The following UNC5D variants were observed in gnomAD, a reference collection of about 807,000 sequenced individuals.
The protein encoded by UNC5D is netrin receptor UNC5D.
A neutral mutation model predicts 105.4 loss-of-function variants in UNC5D; 39 were observed. That is an observed-to-expected ratio of 0.37 (90% CI 0.29 to 0.48). The LOEUF is 0.48. Ranked by LOEUF, UNC5D falls within the 20% of genes least tolerant of loss-of-function variation. The probability of loss-of-function intolerance (pLI) is 0.98; values close to 1 mark genes in which losing one functional copy is unlikely to be tolerated. For missense variants in UNC5D, 991 were observed against 1,202.4 expected (o/e 0.82, Z 2.60); for synonymous variants, 452 against 450.4 (o/e 1.00, Z -0.04).
intron 1 of UNC5D, among the ~76,000 whole-genome samples, chr8:35,342,361 C>T (rs1811514413): frequency 6.6e-6 from 1 of 152,056 alleles, no homozygotes; most frequent in South Asian, 2.1e-4. Context: ...TATAGAATTG[C>T]TTGTCATGTT....
chr8:35,449,569 AT>A (rs1808013918), intron 1 of UNC5D, among the ~76,000 whole-genome samples: 1 of 152,124 alleles, frequency 6.6e-6, no homozygotes, highest in African/African-American at 2.4e-5. Flanking sequence ...AGCACAACAG[AT>A]TTGGTTCTTG....
chr8:35,435,072 T>C (rs145263827), intron 1 of UNC5D, among the ~76,000 whole-genome samples: 76 of 152,238 alleles, frequency 5.0e-4, no homozygotes, highest in African/African-American at 1.8e-3. Flanking sequence ...CTGTGGAGTA[T>C]GGTTTTTTCT....
chr8:35,688,086 A>G (rs1199527234), intron 7 of UNC5D, among the ~76,000 whole-genome samples: 1 of 151,656 alleles, frequency 6.6e-6, no homozygotes, highest in Non-Finnish European at 1.5e-5. Flanking sequence ...GAGCCGAGAT[A>G]GCACCACTGC....
intron 1 of UNC5D, among the ~76,000 whole-genome samples, chr8:35,507,949 C>T (rs1265681984): frequency 6.6e-6 from 1 of 151,958 alleles, no homozygotes; most frequent in African/African-American, 2.4e-5. Context: ...AAAAAGCATA[C>T]CAAGAAACCT....
At chr8:35,733,323 C>T (rs1829294202) in intron 11 of UNC5D, among the ~76,000 whole-genome samples, 1 of 152,184 alleles carries the variant, frequency 6.6e-6, no homozygotes, top group Non-Finnish European at 1.5e-5. Context: ...TGCAAGGAGG[C>T]TCCTTGGGTC....
At chr8:35,708,290 T>C (rs545678672) in intron 8 of UNC5D, among the ~76,000 whole-genome samples, 2 of 152,304 alleles carry the variant, frequency 1.3e-5, no homozygotes, top group South Asian at 4.1e-4. Context: ...CAAATCATAA[T>C]GACAAACTGG....
At chr8:35,588,437 G>T (rs1283227528) in intron 3 of UNC5D, among the ~76,000 whole-genome samples, 1 of 152,134 alleles carries the variant, frequency 6.6e-6, no homozygotes, top group African/African-American at 2.4e-5. Flanking sequence ...AGGCCTGTGA[G>T]ATTCTCTGCC....
intron 1 of UNC5D, among the ~76,000 whole-genome samples, chr8:35,298,537 C>T (rs1807671531): frequency 6.8e-6 from 1 of 147,882 alleles, no homozygotes. Flanking sequence ...GACTCTTTGT[C>T]AGAATAGAGA....
intron 1 of UNC5D, among the ~76,000 whole-genome samples, chr8:35,365,362 G>A (rs565035373): frequency 5.3e-5 from 8 of 151,820 alleles, no homozygotes; most frequent in Non-Finnish European, 7.4e-5. Context: ...ACAATGGAGG[G>A]CTATGTAGCT....
At chr8:35,533,783 A>T (rs1376963389) in intron 1 of UNC5D, among the ~76,000 whole-genome samples, 5 of 152,144 alleles carry the variant, frequency 3.3e-5, no homozygotes, top group Admixed American at 1.3e-4. Context: ...GAAAAGCACA[A>T]TATTCGGGTG....
chr8:35,594,651 C>A (rs1819377395), intron 3 of UNC5D, among the ~76,000 whole-genome samples: 3 of 152,050 alleles, frequency 2.0e-5, no homozygotes, highest in African/African-American at 7.2e-5. Flanking sequence ...AAGTAAAGGC[C>A]AACTCCCCAC....
intron 1 of UNC5D, among the ~76,000 whole-genome samples, chr8:35,536,745 C>G (rs1814870843): frequency 6.6e-6 from 1 of 152,094 alleles, no homozygotes; most frequent in Non-Finnish European, 1.5e-5. Context: ...TGCCTGTAAT[C>G]CCAGCACTTT....
chr8:35,380,202 A>AGAGAGAGAGAGAGAGAGAGG (rs1203635798), intron 1 of UNC5D, among the ~76,000 whole-genome samples: 1 of 147,974 alleles, frequency 6.8e-6, no homozygotes, highest in East Asian at 2.0e-4. Context: ...CGAGAGGGAG[A>AGAGAGAGAGAGAGAGAGAGG]GAGAGAGAGA....
At position 35,569,677 on chromosome 8, in the gene UNC5D, T is replaced by A. The variant is rs547033955; in HGVS notation, c.466+1436T>A. On this transcript the variant is annotated intron_variant, in intron 3 of 16. Transcript: ENST00000404895. ...TTTTAGCCAACAATTATTTTATGAC[T>A]TTAAAGTAGCAGGCCAGCTGAGAGA... 1.8e-4 allele frequency among the ~76,000 whole-genome samples: 28 copies of A among 152,338 alleles called. 1 individual carries two copies. Among genetic ancestry groups the A allele is most frequent in the African/African-American group, 6.5e-4 (27 of 41,580 alleles).
intron 1 of UNC5D, among the ~76,000 whole-genome samples, chr8:35,403,703 G>A (rs182874540): frequency 1.3e-5 from 2 of 152,232 alleles, no homozygotes; most frequent in East Asian, 1.9e-4. Context: ...TTTTCGATTA[G>A]GGATGCTCAA....
At chr8:35,460,154 C>T (rs1378418837) in intron 1 of UNC5D, among the ~76,000 whole-genome samples, 1 of 152,190 alleles carries the variant, frequency 6.6e-6, no homozygotes, top group African/African-American at 2.4e-5. Context: ...TTTCTATTTA[C>T]TCCCAGAAAA....
intron 3 of UNC5D, among the ~76,000 whole-genome samples, chr8:35,569,211 A>G (rs1057342175): frequency 2.6e-5 from 4 of 152,170 alleles, no homozygotes; most frequent in Non-Finnish European, 5.9e-5. Flanking sequence ...CCTCCTTGCA[A>G]ATGTCTTCAG....
chr8:35,478,396 T>G (rs1310284033), intron 1 of UNC5D, among the ~76,000 whole-genome samples: 1 of 152,166 alleles, frequency 6.6e-6, no homozygotes, highest in East Asian at 1.9e-4. Context: ...CTTCAGCAGC[T>G]TATAGAAAAA....
intron 1 of UNC5D, among the ~76,000 whole-genome samples, chr8:35,515,560 C>A (rs1813048987): frequency 6.6e-6 from 1 of 152,112 alleles, no homozygotes; most frequent in Non-Finnish European, 1.5e-5. Context: ...TGGTGTGCAC[C>A]TGTAATCCCA....
Sources: allele counts gnomAD v4.1 joint callset (sites outside exome capture counted in the v4.1 genomes callset), GRCh38; gene constraint gnomAD v4.1.1; transcripts MANE v1.5; gene names NCBI Gene and HGNC (gene_info 2026-07-23, HGNC 2026-07-21).